TSC22D4: variants seen among roughly 807,000 people sequenced by gnomAD.
TSC22D4 encodes TSC22 domain family member 4.
A neutral mutation model predicts 24.9 loss-of-function variants in TSC22D4; 5 were observed. That is an observed-to-expected ratio of 0.20 (90% confidence interval 0.10 to 0.42). The LOEUF (loss-of-function observed/expected upper bound fraction) is 0.42, where lower values mean the gene tolerates loss of function less well. Among genes scored for constraint, TSC22D4 ranks in the 10% least tolerant of loss-of-function variants. The probability of loss-of-function intolerance (pLI) is 1.00; values close to 1 mark genes in which losing one functional copy is unlikely to be tolerated. For synonymous variants in TSC22D4, 245 were observed against 243.2 expected, an observed-to-expected ratio of 1.01 and a Z score of -0.07; for missense variants, 469 against 547.9, an observed-to-expected ratio of 0.86 and a Z score of 1.44.
intron 3 of TSC22D4, among the ~76,000 whole-genome samples, chr7:100,470,501 C>T (rs1211796197): frequency 6.6e-6 from 1 of 152,172 alleles, no homozygotes. Flanking sequence ...AATGGGGTTT[C>T]ACCATGTTGG....
In TSC22D4 at chr7:100,467,028, C is replaced by T. The variant is rs1171312774; in HGVS notation, c.1119G>A (p.Gln373=). ...GLLRALASPE[Q]LAQLPSSGVP... ...CCCCCGAGGAGGGCAGCTGAGCCAG[C>T]TGCTCCGGGCTGGCCAGGGCGCGCA... Residue 373 remains glutamine, a synonymous_variant, in exon 5 of 5, where the codon CAG becomes CAA. Coordinates refer to ENST00000300181, the MANE Select transcript of TSC22D4 (RefSeq NM_030935.5). 5 of 1,612,018 alleles carry T rather than the reference C, an allele frequency of 3.1e-6. No homozygotes were observed. The highest frequency in any genetic ancestry group is 4.2e-6 in the Non-Finnish European group (5 of 1,179,182).
intron 3 of TSC22D4, among the ~76,000 whole-genome samples, chr7:100,469,913 A>T (rs1048912192): frequency 2.0e-5 from 3 of 148,974 alleles, no homozygotes; most frequent in Non-Finnish European, 4.5e-5. Context: ...AGGCGCTGAC[A>T]GGTGGAGCAA....
intron 3 of TSC22D4, among the ~76,000 whole-genome samples, chr7:100,470,788 T>A (rs6956896): frequency 6.6e-6 from 1 of 152,028 alleles, no homozygotes; most frequent in African/African-American, 2.4e-5. Flanking sequence ...CAAAAGCAAG[T>A]TTGTATGGAT....
intron 3 of TSC22D4, among the ~76,000 whole-genome samples, chr7:100,471,191 G>C (rs1030764878): frequency 1.4e-5 from 2 of 144,884 alleles, no homozygotes; most frequent in African/African-American, 5.0e-5. Flanking sequence ...ATGCTGTCCC[G>C]GATCTGTGGT....
chr7:100,467,703 G>A (rs1440912234), intron 3 of TSC22D4, 103 bp from the exon 4 acceptor site: 4 of 1,167,858 alleles, frequency 3.4e-6, no homozygotes, highest in Non-Finnish European at 5.1e-6. Context: ...ACCTGTGACA[G>A]TAGAGAATGA....
rs1799445917 is a variant in TSC22D4 at position 100,474,097 on chromosome 7, G to C, written c.929+177C>G. On this transcript the variant is annotated intron_variant, in intron 3 of 4. Coordinates refer to ENST00000300181, the MANE Select transcript of TSC22D4 (RefSeq NM_030935.5). This position sits in a 1 kb window ranked among gnomAD's most constrained non-coding sequence, Gnocchi z 4.3. Reference sequence around the variant, plus strand: ...CCACCCAGCCCTCTCCACAGAGAGGGAGTGGGTCCGAAATCAACTGTGTGC... The same window carrying C: ...CCACCCAGCCCTCTCCACAGAGAGGCAGTGGGTCCGAAATCAACTGTGTGC... The C allele has an allele frequency of 1.4e-6, 1 of 729,900 alleles. No individual in the cohort carries two copies. Among genetic ancestry groups the C allele is most frequent in the Non-Finnish European group, 2.2e-6 (1 of 456,294 alleles). 45.2% of individuals were successfully genotyped at this position (729,900 alleles called of 1,614,324 possible). A position where few individuals can be genotyped will look rare whatever the true frequency, so the allele number is the denominator to read the frequency against.
At position 100,477,175 on chromosome 7, in the gene TSC22D4, G is replaced by C; in HGVS notation, c.762+102C>G. 2.9e-6 allele frequency: 3 copies of C among 1,040,910 alleles called. No homozygotes were observed. The highest frequency in any genetic ancestry group is 2.7e-5 in the South Asian group (1 of 36,834). 64.5% of individuals were successfully genotyped at this position (1,040,910 alleles called of 1,614,324 possible). ...GAAGAGGGCTATCTGATCTTATAAA[G>C]TGATGGAGAAGGAGGAGGAGAGGGG... On this transcript the variant is annotated intron_variant, in intron 2 of 4. Transcript: ENST00000300181. The surrounding 1 kb of genome is among the most constrained non-coding windows in gnomAD (Gnocchi z 7.8).
chr7:100,474,424 G>T lies in TSC22D4; in HGVS notation c.779C>A (p.Ser260Tyr), dbSNP rs746964418. The change falls in exon 3 of 5, where the codon TCT (serine) becomes TAT (tyrosine). Residue 260 changes from serine to tyrosine, a missense_variant. By Grantham distance (144) the Ser-to-Tyr change is moderately radical. Coordinates refer to ENST00000300181, the MANE Select transcript of TSC22D4 (RefSeq NM_030935.5). The surrounding 1 kb of genome is among the most constrained non-coding windows in gnomAD (Gnocchi z 4.3). ...GTAGAGGGCTGGGGAGCTGGGGCGA[G>T]AGTCAAGTGGGGGCACCTGGAGGCG... is the stretch of plus-strand genomic sequence containing the variant. The part of the protein sequence containing the change: ...EEMGQVPPLD[S>Y]RPSSPALYFT... 2.5e-6 allele frequency: 4 copies of T among 1,614,014 alleles called. No individual in the cohort carries two copies. The highest frequency in any genetic ancestry group is 3.4e-6 in the Non-Finnish European group (4 of 1,179,990).
At chr7:100,469,649 G>A (rs150702181) in intron 3 of TSC22D4, among the ~76,000 whole-genome samples, 3,366 of 152,158 alleles carry the variant, frequency 0.022, 50 homozygotes, top group Non-Finnish European at 0.033. Flanking sequence ...GCACTCTGGC[G>A]CTGTGGCGGG....
At chr7:100,469,585 C>A (rs547239897) in intron 3 of TSC22D4, among the ~76,000 whole-genome samples, 1 of 152,120 alleles carries the variant, frequency 6.6e-6, no homozygotes, top group Non-Finnish European at 1.5e-5. Context: ...CCCTCTCCCA[C>A]CCCTCAGGCC....
In TSC22D4 at chr7:100,471,294, G is replaced by GA. The variant is rs541121229; in HGVS notation, c.929+2979dup. 7.9e-5 allele frequency among the ~76,000 whole-genome samples: 12 copies of GA among 152,294 alleles called. No homozygotes were observed. The South Asian group carries it at 2.5e-3, about 32-fold the overall frequency. On this transcript the variant is annotated intron_variant, in intron 3 of 4. Coordinates refer to ENST00000300181, the MANE Select transcript of TSC22D4 (RefSeq NM_030935.5). ...GAGCTGTACCTGACTGTCCTAGAGA[G>GA]AAAGGATATTGTAGACCATTGCCGC...
At chr7:100,471,723 G>C (rs1156433209) in intron 3 of TSC22D4, among the ~76,000 whole-genome samples, 2 of 151,810 alleles carry the variant, frequency 1.3e-5, no homozygotes, top group African/African-American at 4.8e-5. Context: ...TTGGGAAACA[G>C]AGCAAGACTC....
chr7:100,466,843 G>A lies in TSC22D4; in HGVS notation c.*116C>T, dbSNP rs1799286440. The A allele has an allele frequency of 4.9e-6, 5 of 1,029,724 alleles. No homozygotes were observed. Among genetic ancestry groups the A allele is most frequent in the African/African-American group, 1.6e-5 (1 of 61,498 alleles). The allele number at this position is 1,029,724 out of a possible 1,614,324, so 63.8% of individuals were successfully genotyped here. A position where few individuals can be genotyped will look rare whatever the true frequency, so the allele number is the denominator to read the frequency against. Reference sequence around the variant, plus strand: ...GGGGCCGGGGGACCAGGCCATTACTGAGCCTTGAACTCCCACCCCGGGGAC... The same window carrying A: ...GGGGCCGGGGGACCAGGCCATTACTAAGCCTTGAACTCCCACCCCGGGGAC... On this transcript the variant is annotated 3_prime_UTR_variant, in exon 5 of 5. Coordinates refer to ENST00000300181, the MANE Select transcript of TSC22D4 (RefSeq NM_030935.5).
At chr7:100,476,135 AG>A (rs1799492094) in intron 2 of TSC22D4, among the ~76,000 whole-genome samples, 1 of 147,874 alleles carries the variant, frequency 6.8e-6, no homozygotes, top group South Asian at 2.2e-4. Context: ...CTGGAGGCCA[AG>A]GGGGTTTGCT....
Position 100,477,425 on chromosome 7 carries a change from C to T in TSC22D4, c.614G>A (p.Gly205Asp). The change falls in exon 2 of 5, where the codon GGC becomes GAC. Residue 205 changes from glycine to aspartate, a missense_variant. Coordinates refer to ENST00000300181, the MANE Select transcript of TSC22D4 (RefSeq NM_030935.5). The surrounding 1 kb of genome is among the most constrained non-coding windows in gnomAD (Gnocchi z 7.8). ...CAGGGGCGTGGCAGCCCGGGATGTG[C>T]CCGCACTCTCACCGGTCTCAGGCTC... is the stretch of plus-strand genomic sequence containing the variant. ...PPEPETGESA[G>D]TSRAATPLPS... 6.3e-7 allele frequency: 1 copy of T among 1,586,738 alleles called. No individual in the cohort carries two copies. Among genetic ancestry groups the T allele is most frequent in the Non-Finnish European group, 8.6e-7 (1 of 1,166,642 alleles).
Position 100,477,468 on chromosome 7 carries a change from G to A in TSC22D4, c.571C>T (p.Pro191Ser). The A allele has an allele frequency of 6.4e-7, 1 of 1,556,100 alleles. No homozygotes were observed. The highest frequency in any genetic ancestry group is 1.4e-5 in the African/African-American group (1 of 73,206). The change falls in exon 2 of 5, where the codon CCC becomes TCC. Residue 191 changes from proline (P) to serine (S), a missense_variant. Coordinates refer to ENST00000300181, the MANE Select transcript of TSC22D4 (RefSeq NM_030935.5). The surrounding 1 kb of genome is among the most constrained non-coding windows in gnomAD (Gnocchi z 7.8). ...TCAGGCTCTGGGGGGCGCTGCTGGGGTGAGGAGGCCGACAGTGGGGGTTTC... is the reference window on the plus strand; with the variant it reads ...TCAGGCTCTGGGGGGCGCTGCTGGGATGAGGAGGCCGACAGTGGGGGTTTC... ...AEKPPLSASS[P>S]QQRPPEPETG...
rs774222233 is a variant in TSC22D4 at position 100,467,949 on chromosome 7, G to A, written c.930-349C>T. 7.6e-6 allele frequency: 4 copies of A among 523,848 alleles called. No homozygotes were observed. The African/African-American group carries it at 7.7e-5, about 10-fold the overall frequency. 32.4% of individuals were successfully genotyped at this position (523,848 alleles called of 1,614,324 possible). On this transcript the variant is annotated intron_variant, in intron 3 of 4. Transcript: ENST00000300181. ...AGACCCCTGGCTGGGCCATGCCCAA[G>A]GGGAAAGGGTCCTTAGACACCCCCC...
At chr7:100,476,674 T>TG (rs1799502280) in intron 2 of TSC22D4, among the ~76,000 whole-genome samples, 2 of 152,146 alleles carry the variant, frequency 1.3e-5, no homozygotes, top group Admixed American at 6.5e-5. Flanking sequence ...GCCAGACAAC[T>TG]GGGGGGTGAA....
At position 100,477,640 on chromosome 7, in the gene TSC22D4, G is replaced by T; in HGVS notation, c.399C>A (p.Leu133=). Residue 133 remains leucine, a synonymous_variant, in exon 2 of 5, where the codon CTC becomes CTA. Transcript: ENST00000300181. The surrounding 1 kb of genome is among the most constrained non-coding windows in gnomAD (Gnocchi z 7.8). ...ACGGTGGGGTGGGGGCGCCCAGGCCGAGGCTGGCCAGCTCCAACCTGGAAT... is the reference window on the plus strand; with the variant it reads ...ACGGTGGGGTGGGGGCGCCCAGGCCTAGGCTGGCCAGCTCCAACCTGGAAT... ...SLDSRLELAS[L]GLGAPTPPSG... The T allele has an allele frequency of 2.5e-6, 4 of 1,595,426 alleles. No homozygotes were observed. The highest frequency in any genetic ancestry group is 2.6e-6 in the Non-Finnish European group (3 of 1,175,570).
Sources: gnomAD v4.1 joint callset for allele counts (sites outside exome capture counted in the v4.1 genomes callset) on GRCh38, gnomAD v4.1.1 for gene constraint, Gnocchi (gnomAD v3.1) non-coding constraint, MANE v1.5 for transcripts, NCBI Gene and HGNC (gene_info 2026-07-23, HGNC 2026-07-21) for gene names.